RILP: variants seen among roughly 807,000 people sequenced by gnomAD.
The protein encoded by RILP is Rab interacting lysosomal protein.
Under a neutral mutation model 40.0 loss-of-function variants are expected in RILP, and 53 were observed. The observed-to-expected ratio is 1.32, with a 90% confidence interval of 1.06 to 1.66. The LOEUF (loss-of-function observed/expected upper bound fraction) is 1.66. Ranked by LOEUF, RILP falls within the 40% of genes most tolerant of loss-of-function variation. The pLI is 0.00. For synonymous variants in RILP, 272 were observed against 250.6 expected, an observed-to-expected ratio of 1.09 and a Z score of -0.80; for missense variants, 626 against 551.7, an observed-to-expected ratio of 1.13 and a Z score of -1.35.
In RILP at chr17:1,648,526, G is replaced by A. The variant is rs1412526213; in HGVS notation, c.676-31C>T. On this transcript the variant is annotated intron_variant, in intron 4 of 7. Coordinates refer to ENST00000301336, the MANE Select transcript of RILP (RefSeq NM_031430.3). This position sits in a 1 kb window ranked among gnomAD's most constrained non-coding sequence, Gnocchi z 4.9. ...GAAGGACAGGCACAGTCAGAGGGTCGCCTCGGCTGGCGTTCCCCCGCCCCA... is the reference window on the plus strand; with the variant it reads ...GAAGGACAGGCACAGTCAGAGGGTCACCTCGGCTGGCGTTCCCCCGCCCCA... The A allele has an allele frequency of 3.1e-6, 5 of 1,603,314 alleles. No individual in the cohort carries two copies. The highest frequency in any genetic ancestry group is 3.4e-6 in the Non-Finnish European group (4 of 1,176,750).
Position 1,649,199 on chromosome 17 carries a change from C to G in RILP, c.429+1G>C. Reference sequence around the variant, plus strand: ...GCCCCAGAGCCCCGCCCCGCCCTCACCGCCTCGGTCTCCTGGCCGCGCTGC... The same window carrying G: ...GCCCCAGAGCCCCGCCCCGCCCTCAGCGCCTCGGTCTCCTGGCCGCGCTGC... On this transcript the variant is annotated splice_donor_variant, in intron 3 of 7. Coordinates refer to ENST00000301336, the MANE Select transcript of RILP (RefSeq NM_031430.3). LOFTEE classifies it high-confidence loss of function. The surrounding 1 kb of genome is among the most constrained non-coding windows in gnomAD (Gnocchi z 4.3). 1.4e-6 allele frequency: 2 copies of G among 1,451,914 alleles called. No homozygotes were observed. The highest frequency in any genetic ancestry group is 3.1e-5 in the East Asian group (1 of 32,692). 89.9% of individuals were successfully genotyped at this position (1,451,914 alleles called of 1,614,324 possible). A position where few individuals can be genotyped will look rare whatever the true frequency, so the allele number is the denominator to read the frequency against.
At position 1,647,914 on chromosome 17, in the gene RILP, C is replaced by T. The variant is rs900758759; in HGVS notation, c.865G>A (p.Ala289Thr). Residue 289 changes from alanine to threonine, a missense_variant, in exon 6 of 8, where the codon GCC (alanine) becomes ACC (threonine). Transcript: ENST00000301336. The stretch of plus-strand genomic sequence containing the variant: ...TGCTTCCGGACAGCCACCTTCATGG[C>T]CTCGAGCAGAAGGCCGGGGACCCGG... ...DHRVPGLLLE[A>T]MKVAVRKQRK... 4 of 1,614,188 alleles carry T rather than the reference C, an allele frequency of 2.5e-6. No individual in the cohort carries two copies. Among genetic ancestry groups the T allele is most frequent in the Middle Eastern group, 1.6e-4 (1 of 6,062 alleles).
Position 1,648,625 on chromosome 17 carries a change from A to C in RILP, c.676-130T>G. ...GGACAAGGGTGCCCTAACAGATAAC[A>C]GAGCAGTGCTCCAGCTGAGAGCGGG... On this transcript the variant is annotated intron_variant, in intron 4 of 7. Coordinates refer to ENST00000301336, the MANE Select transcript of RILP (RefSeq NM_031430.3). This position sits in a 1 kb window ranked among gnomAD's most constrained non-coding sequence, Gnocchi z 4.9. 7.0e-7 allele frequency: 1 copy of C among 1,422,184 alleles called. No individual in the cohort carries two copies. The highest frequency in any genetic ancestry group is 9.3e-7 in the Non-Finnish European group (1 of 1,077,438). 88.1% of individuals were successfully genotyped at this position (1,422,184 alleles called of 1,614,324 possible).
chr17:1,649,545 C>T lies in RILP; in HGVS notation c.228+32G>A, dbSNP rs752458495. The T allele has an allele frequency of 6.6e-7, 1 of 1,513,142 alleles. No individual in the cohort carries two copies. The highest frequency in any genetic ancestry group is 1.2e-5 in the South Asian group (1 of 81,118). 93.7% of individuals were successfully genotyped at this position (1,513,142 alleles called of 1,614,324 possible). On this transcript the variant is annotated intron_variant, in intron 1 of 7. Transcript: ENST00000301336. The surrounding 1 kb of genome is among the most constrained non-coding windows in gnomAD (Gnocchi z 4.3). Reference sequence around the variant, plus strand: ...GTCTCAGGCTTCGGCCCTGCCGGCCCCGTGGGTGGCGAAGGGAGGGCCATG... The same window carrying T: ...GTCTCAGGCTTCGGCCCTGCCGGCCTCGTGGGTGGCGAAGGGAGGGCCATG...
In RILP at chr17:1,649,247, G is replaced by C; in HGVS notation, c.382C>G (p.Arg128Gly). The C allele has an allele frequency of 3.0e-6, 4 of 1,343,500 alleles. No homozygotes were observed. The highest frequency in any genetic ancestry group is 3.9e-6 in the Non-Finnish European group (4 of 1,034,124). The allele number at this position is 1,343,500 out of a possible 1,614,324, so 83.2% of individuals were successfully genotyped here. ...EVTDRQRDELRAHNRDLRQRG... is the reference protein window; with the variant it reads ...EVTDRQRDELGAHNRDLRQRG... ...TGCCGCAGGTCGCGGTTGTGCGCCCGGAGTTCGTCCCGCTGTCGGTCCGTG... is the reference window on the plus strand; with the variant it reads ...TGCCGCAGGTCGCGGTTGTGCGCCCCGAGTTCGTCCCGCTGTCGGTCCGTG... Residue 128 changes from arginine to glycine, a missense_variant, in exon 3 of 8, where the codon CGG becomes GGG. Coordinates refer to ENST00000301336, the MANE Select transcript of RILP (RefSeq NM_031430.3). The surrounding 1 kb of genome is among the most constrained non-coding windows in gnomAD (Gnocchi z 4.3).
In RILP at chr17:1,646,764, G is replaced by T; in HGVS notation, c.1028+142C>A. The T allele has an allele frequency of 9.5e-7, 1 of 1,053,576 alleles. No individual in the cohort carries two copies. The highest frequency in any genetic ancestry group is 1.4e-6 in the Non-Finnish European group (1 of 725,840). The allele number at this position is 1,053,576 out of a possible 1,614,324, so 65.3% of individuals were successfully genotyped here. On this transcript the variant is annotated intron_variant, in intron 7 of 7. Transcript: ENST00000301336. The surrounding 1 kb of genome is among the most constrained non-coding windows in gnomAD (Gnocchi z 4.3). The stretch of plus-strand genomic sequence containing the variant: ...GTGAAGGTGATGGGGGCCAGGGCCA[G>T]AGAAGCAGGAGGGGACGGTGTGCTT...
At chr17:1,647,119 C>T in intron 6 of RILP, 130 bp from the exon 7 acceptor site, 1 of 473,610 alleles carries the variant, frequency 2.1e-6, no homozygotes. Flanking sequence ...TGGGGAGATG[C>T]AGGATGTCGA....
At chr17:1,647,431 C>T (rs963692541) in intron 6 of RILP, among the ~76,000 whole-genome samples, 8 of 152,154 alleles carry the variant, frequency 5.3e-5, no homozygotes, top group South Asian at 2.1e-4. Flanking sequence ...TGAGCCACCG[C>T]GCCCTGCCAA....
In RILP at chr17:1,649,832, C is replaced by G. The variant is rs1567672333; in HGVS notation, c.-28G>C. 1 of 1,484,376 alleles carries G rather than the reference C, an allele frequency of 6.7e-7. No individual in the cohort carries two copies. The highest frequency in any genetic ancestry group is 2.1e-5 in the Admixed American group (1 of 46,678). The allele number at this position is 1,484,376 out of a possible 1,614,324, so 92.0% of individuals were successfully genotyped here. A position where few individuals can be genotyped will look rare whatever the true frequency, so the allele number is the denominator to read the frequency against. ...CTCCCAGAGGCTTAGGGCTGCGACC[C>G]CCCCACCCCACCCTCCACTGGGACG... On this transcript the variant is annotated 5_prime_UTR_variant, in exon 1 of 8. Transcript: ENST00000301336. The surrounding 1 kb of genome is among the most constrained non-coding windows in gnomAD (Gnocchi z 4.3).
Position 1,649,674 on chromosome 17 carries a change from C to T in RILP, c.131G>A (p.Arg44His). ...ALGTELQDLA[R>H]RFGPEAAAGL... is the part of the protein sequence containing the mutation. ...GGCCGCCGCCTCCGGCCCGAAACGG[C>T]GCGCCAGATCCTGCAGCTCAGTGCC... The change falls in exon 1 of 8, where the codon CGC becomes CAC. Residue 44 changes from arginine (R) to histidine (H), a missense_variant. Coordinates refer to ENST00000301336, the MANE Select transcript of RILP (RefSeq NM_031430.3). The surrounding 1 kb of genome is among the most constrained non-coding windows in gnomAD (Gnocchi z 4.3). 6.3e-7 allele frequency: 1 copy of T among 1,590,304 alleles called. No individual in the cohort carries two copies. Among genetic ancestry groups the T allele is most frequent in the Non-Finnish European group, 8.5e-7 (1 of 1,175,924 alleles).
Position 1,649,635 on chromosome 17 carries a change from A to G in RILP, c.170T>C (p.Leu57Pro). Residue 57 changes from leucine to proline, a missense_variant, in exon 1 of 8, where the codon CTA becomes CCA. Leu to Pro is a moderately conservative substitution (Grantham distance 98, BLOSUM62 -3). Coordinates refer to ENST00000301336, the MANE Select transcript of RILP (RefSeq NM_031430.3). This position sits in a 1 kb window ranked among gnomAD's most constrained non-coding sequence, Gnocchi z 4.3. Reference sequence around the variant, plus strand: ...CAAGAGCTCCAGCGCCCGCACCACTAGCGGCACCAGCCCGGCCGCCGCCTC... The same window carrying G: ...CAAGAGCTCCAGCGCCCGCACCACTGGCGGCACCAGCCCGGCCGCCGCCTC... Reference protein sequence around the residue: ...GPEAAAGLVPLVVRALELLEQ... With the variant: ...GPEAAAGLVPPVVRALELLEQ... 1.3e-6 allele frequency: 2 copies of G among 1,585,480 alleles called. No individual in the cohort carries two copies. The highest frequency in any genetic ancestry group is 1.7e-6 in the Non-Finnish European group (2 of 1,173,730).
In RILP at chr17:1,649,326, A is replaced by G; in HGVS notation, c.323-20T>C. 1.3e-6 allele frequency: 2 copies of G among 1,493,914 alleles called. No individual in the cohort carries two copies. Among genetic ancestry groups the G allele is most frequent in the Admixed American group, 2.1e-5 (1 of 46,578 alleles). The allele number at this position is 1,493,914 out of a possible 1,614,324, so 92.5% of individuals were successfully genotyped here. A position where few individuals can be genotyped will look rare whatever the true frequency, so the allele number is the denominator to read the frequency against. ...GCTCCTCTGAGGAAGGGGCGTTCTT[A>G]GCGGCGGCGGCGCGCGGCCCGCGGG... On this transcript the variant is annotated intron_variant, in intron 2 of 7. Transcript: ENST00000301336. The surrounding 1 kb of genome is among the most constrained non-coding windows in gnomAD (Gnocchi z 4.3).
Position 1,649,726 on chromosome 17 carries a change from GCTCCGCGGCCGATGCCGA to G in RILP, c.61_78del (p.Ser21_Glu26del), listed in dbSNP as rs1567672152. The stretch of plus-strand genomic sequence containing the variant: ...AGGGCCCCGGCTAGATGGTACACAA[GCTCCGCGGCCGATGCCGA>G]CCCCGCGGCCTCCCGAGACCCCCAG... On this transcript the variant is annotated inframe_deletion, in exon 1 of 8. Coordinates refer to ENST00000301336, the MANE Select transcript of RILP (RefSeq NM_031430.3). The surrounding 1 kb of genome is among the most constrained non-coding windows in gnomAD (Gnocchi z 4.3). 6.3e-7 allele frequency: 1 copy of G among 1,591,938 alleles called. No individual in the cohort carries two copies.
In RILP at chr17:1,649,409, T is replaced by A; in HGVS notation, c.322+3A>T. ...GCCCTGCCCTGGCCGGGGCTGCGCT[T>A]ACCCTGTGGCCCCGCGCGCAGCTCC... On this transcript the variant is annotated splice_donor_region_variant and intron_variant, in intron 2 of 7. Transcript: ENST00000301336. This position sits in a 1 kb window ranked among gnomAD's most constrained non-coding sequence, Gnocchi z 4.3. 1 of 1,506,546 alleles carries A rather than the reference T, an allele frequency of 6.6e-7. No individual in the cohort carries two copies. 93.3% of individuals were successfully genotyped at this position (1,506,546 alleles called of 1,614,324 possible).
Position 1,649,799 on chromosome 17 carries a change from C to T in RILP, c.6G>A (p.Glu2=), listed in dbSNP as rs1205042719. The part of the protein sequence containing the change: M[E]PRRAAPGVPG... ...GCACCCCGGGCGCCGCCCTCCTGGG[C>T]TCCATGTCTCCCAGAGGCTTAGGGC... Residue 2 remains glutamate, a synonymous_variant, in exon 1 of 8, where the codon GAG becomes GAA. Coordinates refer to ENST00000301336, the MANE Select transcript of RILP (RefSeq NM_031430.3). The surrounding 1 kb of genome is among the most constrained non-coding windows in gnomAD (Gnocchi z 4.3). 3.9e-6 allele frequency: 6 copies of T among 1,543,622 alleles called. No individual in the cohort carries two copies. In the African/African-American group the frequency reaches 4.1e-5, roughly 11 times the overall value.
Position 1,646,727 on chromosome 17 carries a change from G to A in RILP, c.1029-108C>T. 2 of 1,248,168 alleles carry A rather than the reference G, an allele frequency of 1.6e-6. No individual in the cohort carries two copies. Among genetic ancestry groups the A allele is most frequent in the East Asian group, 2.4e-5 (1 of 42,010 alleles). 77.3% of individuals were successfully genotyped at this position (1,248,168 alleles called of 1,614,324 possible). ...AAGGGGAGAGGGGGAAGAAAGGGCA[G>A]CCTGAGGGAGTGTGAAGGTGATGGG... On this transcript the variant is annotated intron_variant, in intron 7 of 7. Transcript: ENST00000301336. The surrounding 1 kb of genome is among the most constrained non-coding windows in gnomAD (Gnocchi z 4.3).
Position 1,649,411 on chromosome 17 carries a change from C to A in RILP, c.322+1G>T. The A allele has an allele frequency of 6.6e-7, 1 of 1,506,350 alleles. No individual in the cohort carries two copies. Among genetic ancestry groups the A allele is most frequent in the East Asian group, 2.7e-5 (1 of 37,128 alleles). 93.3% of individuals were successfully genotyped at this position (1,506,350 alleles called of 1,614,324 possible). On this transcript the variant is annotated splice_donor_variant, in intron 2 of 7. Transcript: ENST00000301336. LOFTEE classifies it high-confidence loss of function. This position sits in a 1 kb window ranked among gnomAD's most constrained non-coding sequence, Gnocchi z 4.3. ...CCTGCCCTGGCCGGGGCTGCGCTTA[C>A]CCTGTGGCCCCGCGCGCAGCTCCCT...
chr17:1,646,292 C>G lies in RILP; in HGVS notation c.*150G>C, dbSNP rs571543569. On this transcript the variant is annotated 3_prime_UTR_variant, in exon 8 of 8. Transcript: ENST00000301336. This position sits in a 1 kb window ranked among gnomAD's most constrained non-coding sequence, Gnocchi z 4.3. The stretch of plus-strand genomic sequence containing the variant: ...ACTCTTATATCTGGCCCCAGAGGCT[C>G]GGTACAGAGACGTAGAGAGGGAGGC... 1 of 627,588 alleles carries G rather than the reference C, an allele frequency of 1.6e-6. No individual in the cohort carries two copies. Among genetic ancestry groups the G allele is most frequent in the East Asian group, 3.1e-5 (1 of 32,612 alleles). The allele number at this position is 627,588 out of a possible 1,614,324, so 38.9% of individuals were successfully genotyped here. A position where few individuals can be genotyped will look rare whatever the true frequency, so the allele number is the denominator to read the frequency against.
Position 1,648,753 on chromosome 17 carries a change from G to C in RILP, c.675+46C>G. The C allele has an allele frequency of 6.9e-7, 1 of 1,459,266 alleles. No homozygotes were observed. The highest frequency in any genetic ancestry group is 9.0e-7 in the Non-Finnish European group (1 of 1,112,380). The allele number at this position is 1,459,266 out of a possible 1,614,324, so 90.4% of individuals were successfully genotyped here. A position where few individuals can be genotyped will look rare whatever the true frequency, so the allele number is the denominator to read the frequency against. On this transcript the variant is annotated intron_variant, in intron 4 of 7. Coordinates refer to ENST00000301336, the MANE Select transcript of RILP (RefSeq NM_031430.3). The surrounding 1 kb of genome is among the most constrained non-coding windows in gnomAD (Gnocchi z 4.9). ...CTTGCTTGAGTGCCCACCGAGGGCT[G>C]GACGCTGCGTCCTGGGCTGGGTCCT...
Sources: gnomAD v4.1 joint callset for allele counts (sites outside exome capture counted in the v4.1 genomes callset) on GRCh38, gnomAD v4.1.1 for gene constraint, Gnocchi (gnomAD v3.1) non-coding constraint, MANE v1.5 for transcripts, NCBI Gene and HGNC (gene_info 2026-07-23, HGNC 2026-07-21) for gene names.